Variants in OLFM1 observed in about 807,000 individuals in gnomAD.
OLFM1 encodes olfactomedin 1.
Under a neutral mutation model 49.7 loss-of-function variants are expected in OLFM1, and 9 were observed. The observed-to-expected ratio is 0.18, with a 90% confidence interval of 0.11 to 0.32. The LOEUF is 0.32. Among genes scored for constraint, OLFM1 ranks in the 10% least tolerant of loss-of-function variants. The pLI is 1.00. For synonymous variants in OLFM1, 240 were observed against 271.8 expected (o/e 0.88, Z 1.15); for missense variants, 369 against 661.8 (o/e 0.56, Z 4.85).
chr9:135,097,671 C>A, intron 3 of OLFM1: 2 of 882,212 alleles, frequency 2.3e-6, no homozygotes, highest in Non-Finnish European at 3.9e-6. Flanking sequence ...TCGAGCATTA[C>A]AGTGGGATTT....
At chr9:135,077,035 A>G (rs1830476221) in intron 1 of OLFM1, 1 of 1,545,484 alleles carries the variant, frequency 6.5e-7, no homozygotes, top group African/African-American at 1.4e-5. Flanking sequence ...ACGATCAGCC[A>G]GTCCCTCCTG....
chr9:135,084,427 C>CTT, upstream of OLFM1, among the ~76,000 whole-genome samples: 2 of 131,660 alleles, frequency 1.5e-5, no homozygotes, highest in African/African-American at 6.1e-5. This position sits in a 1 kb window ranked among gnomAD's most constrained non-coding sequence, Gnocchi z 4.6. Context: ...TTCTGTCTCT[C>CTT]CTCTCTGTCT....
chr9:135,087,936 G>A lies in OLFM1; in HGVS notation c.-54G>A. 1 of 1,342,886 alleles carries A rather than the reference G, an allele frequency of 7.4e-7. No individual in the cohort carries two copies. Among genetic ancestry groups the A allele is most frequent in the African/African-American group, 1.5e-5 (1 of 65,418 alleles). The allele number at this position is 1,342,886 out of a possible 1,614,324, so 83.2% of individuals were successfully genotyped here. ...GTGCCCGCCGCCTGAAGGCCGCCTG[G>A]GCGCGGGAGCCGGTGCCAGCTCGGA... On this transcript the variant is annotated 5_prime_UTR_variant, in exon 1 of 6. Transcript: ENST00000371793.
chr9:135,089,564 G>A (rs1830651380), intron 1 of OLFM1, among the ~76,000 whole-genome samples: 1 of 152,210 alleles, frequency 6.6e-6, no homozygotes, highest in East Asian at 1.9e-4. Context: ...TGGCTCGTGG[G>A]GGGAGCCCAC....
chr9:135,119,100 C>CCTTTGGAAGTGCTCACCGGGT (rs1564282692), intron 5 of OLFM1, among the ~76,000 whole-genome samples: 1 of 139,610 alleles, frequency 7.2e-6, no homozygotes, highest in African/African-American at 2.7e-5. Flanking sequence ...GCTCACCGGG[C>CCTTTGGAAGTGCTCACCGGGT]CTTTGGAAGT....
rs968121327 is a variant in OLFM1, at chr9:135,115,097, G to A, written c.784-4407G>A. ...TGACACACACAGATCCTTTCCTCAAGACCGCTAGGGCCACAAAAGGTCAAG... is the reference window on the plus strand; with the variant it reads ...TGACACACACAGATCCTTTCCTCAAAACCGCTAGGGCCACAAAAGGTCAAG... On this transcript the variant is annotated intron_variant, in intron 5 of 5. Coordinates refer to ENST00000371793, the MANE Select transcript of OLFM1 (RefSeq NM_001282611.2). Among the ~76,000 whole-genome samples the A allele has an allele frequency of 2.0e-5, 3 of 152,182 alleles. No individual in the cohort carries two copies. The South Asian group carries it at 6.2e-4, about 32-fold the overall frequency.
chr9:135,092,743 G>A (rs545022908), intron 2 of OLFM1, among the ~76,000 whole-genome samples: 34 of 152,302 alleles, frequency 2.2e-4, no homozygotes, highest in South Asian at 1.9e-3. Context: ...CTGCCTGTGC[G>A]TGCCACAGCA....
At chr9:135,076,931 G>T in intron 1 of OLFM1, 1 of 1,550,630 alleles carries the variant, frequency 6.4e-7, no homozygotes, top group Non-Finnish European at 8.7e-7. Flanking sequence ...CTGGCTCCCT[G>T]GCTCTGCCCA....
chr9:135,081,903 A>G (rs970924702), intron 1 of OLFM1, among the ~76,000 whole-genome samples: 4 of 152,194 alleles, frequency 2.6e-5, no homozygotes, highest in Non-Finnish European at 4.4e-5. Context: ...TGCACCTGGC[A>G]TGCTTTGCAC....
At chr9:135,086,605 A>G (rs1045550388), upstream of OLFM1, 1 of 456,082 alleles carries the variant, frequency 2.2e-6, no homozygotes, top group Non-Finnish European at 4.4e-6. Flanking sequence ...GGGAAAGCTT[A>G]ATGGAAGGCC....
rs1211222470 is a variant in OLFM1, at chr9:135,117,923, C to T, written c.784-1581C>T. Among the ~76,000 whole-genome samples the T allele has an allele frequency of 6.6e-6, 1 of 152,248 alleles. No homozygotes were observed. The highest frequency in any genetic ancestry group is 2.4e-5 in the African/African-American group (1 of 41,470). On this transcript the variant is annotated intron_variant, in intron 5 of 5. Coordinates refer to ENST00000371793, the MANE Select transcript of OLFM1 (RefSeq NM_001282611.2). This position sits in a 1 kb window ranked among gnomAD's most constrained non-coding sequence, Gnocchi z 5.5. ...TCACCTTCCCACTAGACCCTTTCTT[C>T]AAACTGGGCCATCCTTTCTCTGATA...
At chr9:135,076,992 T>C in intron 1 of OLFM1, 1 of 1,550,618 alleles carries the variant, frequency 6.4e-7, no homozygotes, top group Non-Finnish European at 8.7e-7. Context: ...TCGTCCCGCT[T>C]ACCCTCAGAG....
intron 3 of OLFM1, among the ~76,000 whole-genome samples, chr9:135,097,586 C>T (rs1031729209): frequency 2.6e-5 from 4 of 152,038 alleles, no homozygotes; most frequent in Admixed American, 6.6e-5. Context: ...TGTGCTAAAC[C>T]GCATTAAAAA....
intron 2 of OLFM1, among the ~76,000 whole-genome samples, chr9:135,091,645 T>TCACACACACA (rs747119783): frequency 1.7e-3 from 9 of 5,322 alleles, no homozygotes; most frequent in African/African-American, 8.7e-3. Context: ...TCACACACAC[T>TCACACACACA]CACATAGTCA....
chr9:135,104,966 C>A (rs967286292), intron 4 of OLFM1, among the ~76,000 whole-genome samples: 3 of 152,162 alleles, frequency 2.0e-5, no homozygotes, highest in Non-Finnish European at 4.4e-5. Flanking sequence ...TACTTCTCGT[C>A]CCCATAGACG....
chr9:135,114,930 C>T (rs1359221544), intron 5 of OLFM1, among the ~76,000 whole-genome samples: 1 of 152,136 alleles, frequency 6.6e-6, no homozygotes, highest in Non-Finnish European at 1.5e-5. Context: ...GCACGCGGCA[C>T]AGTGTGGACC....
intron 4 of OLFM1, among the ~76,000 whole-genome samples, chr9:135,099,014 C>T (rs942216214): frequency 1.3e-5 from 2 of 152,220 alleles, no homozygotes; most frequent in Non-Finnish European, 2.9e-5. Context: ...GGGGAGGAGC[C>T]TCTGAGCAAA....
chr9:135,101,019 C>T (rs950648395), intron 4 of OLFM1, among the ~76,000 whole-genome samples: 10 of 152,214 alleles, frequency 6.6e-5, no homozygotes, highest in African/African-American at 2.4e-4. Flanking sequence ...TTCATTCAAG[C>T]TCAGTAACTT....
At chr9:135,097,692 C>A in intron 3 of OLFM1, 2 of 1,048,832 alleles carry the variant, frequency 1.9e-6, no homozygotes, top group Non-Finnish European at 1.5e-6. Context: ...TTCTAACTGA[C>A]CATGCAAATA....
Sources: gnomAD v4.1 joint callset for allele counts (sites outside exome capture counted in the v4.1 genomes callset) on GRCh38, gnomAD v4.1.1 for gene constraint, Gnocchi (gnomAD v3.1) non-coding constraint, MANE v1.5 for transcripts, NCBI Gene and HGNC (gene_info 2026-07-23, HGNC 2026-07-21) for gene names.